Variants in RYR3 observed in about 807,000 individuals in gnomAD.
The protein encoded by RYR3 is ryanodine receptor 3.
Under a neutral mutation model 584.3 loss-of-function variants are expected in RYR3, and 207 were observed. That is an observed-to-expected ratio of 0.35 (90% CI 0.32 to 0.40). RYR3 has a LOEUF of 0.40. RYR3 is among the 10% of genes least tolerant of loss of function. RYR3 has a pLI of 1.00. For missense variants in RYR3, 5,616 were observed against 6,089.2 expected, an observed-to-expected ratio of 0.92 and a Z score of 2.59; for synonymous variants, 2,416 against 2,248.5, an observed-to-expected ratio of 1.07 and a Z score of -2.11.
chr15:33,332,648 C>T (rs1157898207), intron 1 of RYR3, among the ~76,000 whole-genome samples: 2 of 151,928 alleles, frequency 1.3e-5, no homozygotes, highest in South Asian at 2.1e-4. Context: ...ACAAAGATAC[C>T]TTGAAAAAAA....
rs115306149 is a variant in RYR3 at position 33,614,936 on chromosome 15, G to C, written c.2357+1561G>C. Reference sequence around the variant, plus strand: ...AAATATTGTTCATTTAATTGGGCTTGTGCTATGCATGCTGCTTTCCTATAT... The same window carrying C: ...AAATATTGTTCATTTAATTGGGCTTCTGCTATGCATGCTGCTTTCCTATAT... On this transcript the variant is annotated intron_variant, in intron 19 of 103. Transcript: ENST00000634891. 1.8e-4 allele frequency among the ~76,000 whole-genome samples: 27 copies of C among 152,136 alleles called. No homozygotes were observed. The East Asian group carries it at 2.1e-3, about 12-fold the overall frequency.
chr15:33,833,467 G>A (rs12904990), intron 86 of RYR3, among the ~76,000 whole-genome samples: 44,919 of 152,040 alleles, frequency 0.3, 6,907 homozygotes, highest in Middle Eastern at 0.46. Context: ...GATTTTGAGG[G>A]GAGATATATC....
At chr15:33,647,523 C>G in intron 30 of RYR3, 63 bp downstream of exon 30, 1 of 1,179,074 alleles carries the variant, frequency 8.5e-7, no homozygotes, top group Non-Finnish European at 1.3e-6. Context: ...TGGTAATATG[C>G]CCCTTACAGC....
At chr15:33,576,968 C>A (rs1173492020) in intron 12 of RYR3, among the ~76,000 whole-genome samples, 1 of 152,126 alleles carries the variant, frequency 6.6e-6, no homozygotes, top group Admixed American at 6.5e-5. Context: ...TCCTAAACAC[C>A]AACAGCGAAC....
At chr15:33,517,046 G>A (rs922550672) in intron 3 of RYR3, among the ~76,000 whole-genome samples, 17 of 152,082 alleles carry the variant, frequency 1.1e-4, no homozygotes, top group African/African-American at 3.6e-4. Flanking sequence ...GGCTGCTGGT[G>A]TGCAGTGGCA....
chr15:33,315,379 A>G (rs1968016057), intron 1 of RYR3, among the ~76,000 whole-genome samples: 1 of 152,168 alleles, frequency 6.6e-6, no homozygotes, highest in African/African-American at 2.4e-5. Context: ...AAGGGAAAGG[A>G]GGTGGACACC....
At position 33,646,467 on chromosome 15, in the gene RYR3, C is replaced by T. The variant is rs779754319; in HGVS notation, c.3882C>T (p.Val1294=). The change falls in exon 29 of 104, where the codon GTC becomes GTT. Residue 1294 remains valine, a synonymous_variant. Transcript: ENST00000634891. ...DMIYCRLSMP[V]ECHSSFSHSP... ...TCTATTGCCGCTTGAGCATGCCTGTCGAGTGCCACTCCTCCTTCAGCCACA... is the reference window on the plus strand; with the variant it reads ...TCTATTGCCGCTTGAGCATGCCTGTTGAGTGCCACTCCTCCTTCAGCCACA... 44 of 1,613,786 alleles carry T rather than the reference C, an allele frequency of 2.7e-5. No individual in the cohort carries two copies. Among genetic ancestry groups the T allele is most frequent in the South Asian group, 7.7e-5 (7 of 91,070 alleles).
At position 33,845,050 on chromosome 15, in the gene RYR3, C is replaced by T. The variant is rs761758122; in HGVS notation, c.13485C>T (p.Tyr4495=). 5.0e-6 allele frequency: 8 copies of T among 1,613,992 alleles called. No homozygotes were observed. In the East Asian group the frequency reaches 1.6e-4, roughly 31 times the overall value. ...TIISLVCVVG[Y]YCLKVPLVVF... is the part of the protein sequence containing the mutation. ...TCTCTCTAGTCTGTGTGGTGGGCTA[C>T]TACTGCCTGAAGGTGAGCTGTTTGC... The change falls in exon 93 of 104, where the codon TAC becomes TAT. Residue 4495 remains tyrosine (Y), a synonymous_variant. Transcript: ENST00000634891.
At chr15:33,602,733 CTTTTTTTTTTTTTTTTTTTT>C (rs10578832) in intron 17 of RYR3, among the ~76,000 whole-genome samples, 3 of 75,200 alleles carry the variant, frequency 4.0e-5, no homozygotes, top group Non-Finnish European at 2.3e-5. Context: ...TTTTTCTAGT[CTTTTTTTTTTTTTTTTTTTT>C]TTTTTTTTTG....
intron 70 of RYR3, 53 bp from the exon 71 acceptor site, chr15:33,810,426 C>T (rs531926213): frequency 1.4e-4 from 218 of 1,596,626 alleles, no homozygotes; most frequent in Non-Finnish European, 1.6e-4. Context: ...GGAGGCCGTT[C>T]CTTTGGGAGA....
At position 33,788,214 on chromosome 15, in the gene RYR3, G is replaced by T. The variant is rs376097393; in HGVS notation, c.9590-4G>T. The T allele has an allele frequency of 2.5e-6, 4 of 1,613,528 alleles. No individual in the cohort carries two copies. The highest frequency in any genetic ancestry group is 3.4e-6 in the Non-Finnish European group (4 of 1,179,714). On this transcript the variant is annotated splice_region_variant and splice_polypyrimidine_tract_variant and intron_variant, in intron 66 of 103. Transcript: ENST00000634891. Reference sequence around the variant, plus strand: ...AATGACGGGGAGGCTCTTTGTAAACGCAGTGTATGCACAGCCCATCATCAG... The same window carrying T: ...AATGACGGGGAGGCTCTTTGTAAACTCAGTGTATGCACAGCCCATCATCAG...
At chr15:33,646,556 C>G (rs572611804) in intron 29 of RYR3, 30 bp downstream of exon 29, 26 of 1,580,010 alleles carry the variant, frequency 1.6e-5, no homozygotes, top group East Asian at 6.8e-5. Context: ...TTCTCAGAGG[C>G]ACTCATTGTA....
At chr15:33,432,113 T>C (rs886842625) in intron 1 of RYR3, among the ~76,000 whole-genome samples, 17 of 152,202 alleles carry the variant, frequency 1.1e-4, no homozygotes, top group Non-Finnish European at 2.2e-4. Flanking sequence ...ACAAATATTA[T>C]GCAGTTTTGG....
At chr15:33,398,300 A>G (rs1442140581) in intron 1 of RYR3, among the ~76,000 whole-genome samples, 6 of 152,200 alleles carry the variant, frequency 3.9e-5, no homozygotes, top group African/African-American at 1.4e-4. Context: ...TCCATCCACA[A>G]TGCTGTGGGT....
chr15:33,614,711 TTTATA>T (rs1476090463), intron 19 of RYR3, among the ~76,000 whole-genome samples: 13 of 152,120 alleles, frequency 8.5e-5, no homozygotes, highest in Non-Finnish European at 1.8e-4. Flanking sequence ...GTATAATAAT[TTTATA>T]TTAAGGATGT....
chr15:33,610,355 G>A (rs12906139), intron 18 of RYR3, among the ~76,000 whole-genome samples: 46,355 of 152,018 alleles, frequency 0.3, 7,688 homozygotes, highest in Middle Eastern at 0.39. Context: ...CAACACATAC[G>A]TACCTTCATT....
At chr15:33,860,750 G>C in intron 101 of RYR3, 91 bp downstream of exon 101, 1 of 973,004 alleles carries the variant, frequency 1.0e-6, no homozygotes, top group Admixed American at 2.3e-5. Flanking sequence ...CTATTACTTA[G>C]GGCCAGTACT....
chr15:33,356,231 A>G (rs1973960091), intron 1 of RYR3, among the ~76,000 whole-genome samples: 1 of 152,100 alleles, frequency 6.6e-6, no homozygotes, highest in South Asian at 2.1e-4. Flanking sequence ...TATAACCTCA[A>G]CTAAACCTAA....
chr15:33,833,515 A>G (rs1226061811), intron 86 of RYR3, among the ~76,000 whole-genome samples: 2 of 152,210 alleles, frequency 1.3e-5, no homozygotes, highest in Non-Finnish European at 2.9e-5. Context: ...GAAGTGATAA[A>G]CCTAAAAATA....
Sources: allele counts gnomAD v4.1 joint callset (sites outside exome capture counted in the v4.1 genomes callset), GRCh38; gene constraint gnomAD v4.1.1; transcripts MANE v1.5; gene names NCBI Gene and HGNC (gene_info 2026-07-23, HGNC 2026-07-21).